Variants in ANK2 observed in about 807,000 individuals in gnomAD.
The protein encoded by ANK2 is ankyrin-2.
In ANK2, 83 loss-of-function variants were observed where a neutral mutation model predicts 360.5. The observed-to-expected ratio is 0.23, with a 90% CI of 0.19 to 0.28. The LOEUF (loss-of-function observed/expected upper bound fraction) is 0.28, where lower values mean the gene tolerates loss of function less well. Among genes scored for constraint, ANK2 ranks in the 10% least tolerant of loss-of-function variants. ANK2 has a pLI of 1.00. For missense variants in ANK2, 4,201 were observed against 4,795.7 expected, an observed-to-expected ratio of 0.88 and a Z score of 3.66; for synonymous variants, 1,740 against 1,759.5, an observed-to-expected ratio of 0.99 and a Z score of 0.28.
intron 36 of ANK2, 77 bp from the exon 37 acceptor site, chr4:113,350,151 G>A: frequency 7.5e-7 from 1 of 1,334,162 alleles, no homozygotes; most frequent in Admixed American, 1.8e-5. Flanking sequence ...TTATGAATAG[G>A]AGCTTTTTGT....
At chr4:112,926,088 T>A (rs1272875898) in intron 2 of ANK2, among the ~76,000 whole-genome samples, 1 of 152,218 alleles carries the variant, frequency 6.6e-6, no homozygotes, top group Non-Finnish European at 1.5e-5. Flanking sequence ...ATTCTGTGAC[T>A]GGAGAATCTG....
Position 113,381,858 on chromosome 4 carries a change from C to T in ANK2, c.*387C>T, listed in dbSNP as rs2097178942. ...GCATCCTTCATACTGGATGCTGTAT[C>T]CAATACTTTGTTGTGTCTGTGCTAA... On this transcript the variant is annotated 3_prime_UTR_variant, in exon 46 of 46. Coordinates refer to ENST00000357077, the MANE Select transcript of ANK2 (RefSeq NM_001148.6). The T allele has an allele frequency of 4.9e-6, 2 of 406,946 alleles. No homozygotes were observed. Among genetic ancestry groups the T allele is most frequent in the African/African-American group, 4.1e-5 (2 of 48,600 alleles). 25.2% of individuals were successfully genotyped at this position (406,946 alleles called of 1,614,324 possible).
chr4:113,312,752 A>G (rs1394910576), intron 24 of ANK2, among the ~76,000 whole-genome samples: 1 of 152,182 alleles, frequency 6.6e-6, no homozygotes, highest in Non-Finnish European at 1.5e-5. Flanking sequence ...AAGGGAATGC[A>G]GTGTTGCTGG....
chr4:112,779,441 C>T, the ANK2 span, among the ~76,000 whole-genome samples: 1 of 152,076 alleles, frequency 6.6e-6, no homozygotes, highest in African/African-American at 2.4e-5. Flanking sequence ...ATGGCGTGAA[C>T]CCGGGAGACG....
chr4:113,293,949 A>G (rs2069452961), intron 22 of ANK2, among the ~76,000 whole-genome samples: 2 of 152,166 alleles, frequency 1.3e-5, no homozygotes, highest in South Asian at 4.1e-4. Flanking sequence ...GCTCCTCCCA[A>G]CACTGTGCTC....
chr4:113,011,682 G>A (rs923630861), intron 2 of ANK2, among the ~76,000 whole-genome samples: 11 of 152,078 alleles, frequency 7.2e-5, no homozygotes, highest in African/African-American at 2.7e-4. Flanking sequence ...CTGGTATAGA[G>A]AGGACATCTT....
intron 5 of ANK2, among the ~76,000 whole-genome samples, chr4:113,234,895 C>A (rs2099359271): frequency 6.6e-6 from 1 of 152,118 alleles, no homozygotes; most frequent in Non-Finnish European, 1.5e-5. Flanking sequence ...TTAATTGAGG[C>A]ACTTGAACAA....
intron 2 of ANK2, among the ~76,000 whole-genome samples, chr4:113,004,251 C>G (rs2051912508): frequency 6.6e-6 from 1 of 151,986 alleles, no homozygotes; most frequent in South Asian, 2.1e-4. Context: ...TTTTTTTAAA[C>G]TTTTAGACTC....
chr4:112,948,651 T>C (rs1231418234), intron 2 of ANK2, among the ~76,000 whole-genome samples: 1 of 152,236 alleles, frequency 6.6e-6, no homozygotes, highest in Non-Finnish European at 1.5e-5. Flanking sequence ...TCTCAAGTCA[T>C]CTTATAGCTT....
chr4:112,951,095 A>ATTT (rs2094950035), intron 2 of ANK2, among the ~76,000 whole-genome samples: 1 of 150,978 alleles, frequency 6.6e-6, no homozygotes, highest in Non-Finnish European at 1.5e-5. Flanking sequence ...AAAAAAAAAA[A>ATTT]AAAAAAAAAA....
chr4:113,236,515 G>T (rs1400860827), intron 5 of ANK2, among the ~76,000 whole-genome samples: 1 of 152,118 alleles, frequency 6.6e-6, no homozygotes, highest in Non-Finnish European at 1.5e-5. Context: ...TCCATCCCCA[G>T]GGGCTGTTTT....
At chr4:113,235,176 G>A (rs1370175256) in intron 5 of ANK2, among the ~76,000 whole-genome samples, 1 of 152,152 alleles carries the variant, frequency 6.6e-6, no homozygotes, top group Non-Finnish European at 1.5e-5. Flanking sequence ...TCACAGTGCT[G>A]CAGGAGGTAA....
intron 2 of ANK2, among the ~76,000 whole-genome samples, chr4:112,999,569 C>T (rs2049880608): frequency 6.6e-6 from 1 of 151,802 alleles, no homozygotes; most frequent in African/African-American, 2.4e-5. Flanking sequence ...TGTCTTGGTT[C>T]ACTAAAACTT....
intron 4 of ANK2, among the ~76,000 whole-genome samples, chr4:113,220,514 T>C (rs1311893915): frequency 6.6e-6 from 1 of 152,222 alleles, no homozygotes; most frequent in Non-Finnish European, 1.5e-5. Context: ...TTTGTTTTCT[T>C]TTTAAATTTG....
At chr4:112,939,155 G>C (rs550591215) in intron 2 of ANK2, among the ~76,000 whole-genome samples, 1 of 152,140 alleles carries the variant, frequency 6.6e-6, no homozygotes, top group East Asian at 1.9e-4. Flanking sequence ...TTTTAAAATT[G>C]TAATGGTTTA....
intron 14 of ANK2, among the ~76,000 whole-genome samples, chr4:113,267,328 G>A (rs1454403516): frequency 2.0e-5 from 3 of 152,134 alleles, no homozygotes; most frequent in Non-Finnish European, 2.9e-5. Flanking sequence ...CTTTGCCCAT[G>A]CCTATGTCCT....
chr4:113,171,999 T>A (rs1386089090), intron 1 of ANK2, among the ~76,000 whole-genome samples: 13 of 152,206 alleles, frequency 8.5e-5, no homozygotes, highest in South Asian at 8.3e-4. Context: ...ATAGGAACAA[T>A]AGAGCAACCT....
chr4:113,083,000 A>G (rs143019056), intron 1 of ANK2, among the ~76,000 whole-genome samples: 16 of 152,274 alleles, frequency 1.1e-4, no homozygotes, highest in Non-Finnish European at 2.1e-4. Flanking sequence ...ACTTCCTGAT[A>G]TATACATTTG....
intron 1 of ANK2, among the ~76,000 whole-genome samples, chr4:113,135,876 C>T (rs990239790): frequency 2.0e-5 from 3 of 152,006 alleles, no homozygotes; most frequent in Admixed American, 2.0e-4. Flanking sequence ...GTGACCAAAA[C>T]AAAATCATTT....
Sources: gnomAD v4.1 joint callset for allele counts (sites outside exome capture counted in the v4.1 genomes callset) on GRCh38, gnomAD v4.1.1 for gene constraint, MANE v1.5 for transcripts, NCBI Gene and HGNC (gene_info 2026-07-23, HGNC 2026-07-21) for gene names.